TBC1D31: variants seen among roughly 807,000 people sequenced by gnomAD.
TBC1D31 encodes the protein TBC1 domain family member 31.
A neutral mutation model predicts 132.9 loss-of-function variants in TBC1D31; 99 were observed. The ratio of observed to expected loss-of-function variants is 0.74; its 90% CI spans 0.63 to 0.88. The LOEUF (loss-of-function observed/expected upper bound fraction) is 0.88, where lower values mean the gene tolerates loss of function less well. TBC1D31 is among the 40% of genes least tolerant of loss of function. The pLI is 0.00. For synonymous variants in TBC1D31, 385 were observed against 419.4 expected (o/e 0.92, Z 1.00); for missense variants, 1,134 against 1,256.6 (o/e 0.90, Z 1.48).
chr8:123,077,577 G>C (rs1052732548), intron 2 of TBC1D31, among the ~76,000 whole-genome samples: 2 of 147,726 alleles, frequency 1.4e-5, no homozygotes, highest in Non-Finnish European at 1.5e-5. Flanking sequence ...TGTCGCCCAG[G>C]CTGGAGTGCA....
rs1318822933 is a variant in TBC1D31, at chr8:123,142,370, T to C, written c.2749T>C (p.Tyr917His). 6.2e-7 allele frequency: 1 copy of C among 1,609,344 alleles called. No homozygotes were observed. Among genetic ancestry groups the C allele is most frequent in the Non-Finnish European group, 8.5e-7 (1 of 1,178,166 alleles). Residue 917 changes from tyrosine to histidine, a missense_variant, in exon 19 of 22, where the codon TAC (tyrosine) becomes CAC (histidine). Physicochemically the swap from Tyr to His is moderately conservative, Grantham distance 83 (BLOSUM62 2). Coordinates refer to ENST00000287380, the MANE Select transcript of TBC1D31 (RefSeq NM_145647.4). ...TGATGATCTACAACGAAACAAATGTTACCAGGAAGTAGCCAAACTCCTTAG... is the reference window on the plus strand; with the variant it reads ...TGATGATCTACAACGAAACAAATGTCACCAGGAAGTAGCCAAACTCCTTAG... Reference protein sequence around the residue: ...KCDDLQRNKCYQEVAKLLREN... With the variant: ...KCDDLQRNKCHQEVAKLLREN...
chr8:123,112,668 T>C (rs1818563054), intron 10 of TBC1D31, among the ~76,000 whole-genome samples: 1 of 152,266 alleles, frequency 6.6e-6, no homozygotes, highest in South Asian at 2.1e-4. Context: ...ACAAGCATGC[T>C]GCATTAATTA....
chr8:123,096,589 T>C (rs1361245170), intron 5 of TBC1D31, among the ~76,000 whole-genome samples: 2 of 152,238 alleles, frequency 1.3e-5, no homozygotes, highest in Non-Finnish European at 2.9e-5. Context: ...TTTGCCTTCC[T>C]CTAGACCAGA....
At chr8:123,147,387 G>T (rs1822326602) in intron 20 of TBC1D31, among the ~76,000 whole-genome samples, 3 of 152,090 alleles carry the variant, frequency 2.0e-5, no homozygotes, top group South Asian at 4.1e-4. Flanking sequence ...TGGGCAGGGT[G>T]GTCTCAATCT....
Position 123,129,076 on chromosome 8 carries a change from G to A in TBC1D31, c.2128G>A (p.Glu710Lys). ...TATTACCTACTTAAGGCAGACAGTT[G>A]AAGATATGCAAGCTAAAGTCGACCA... The part of the protein sequence containing the change: ...LDYLRERQTV[E>K]DMQAKVDQQR... The change falls in exon 15 of 22, where the codon GAA (glutamate) becomes AAA (lysine). Residue 710 changes from glutamate (E) to lysine (K), a missense_variant. Glu to Lys is a moderately conservative substitution (Grantham distance 56, BLOSUM62 1). Transcript: ENST00000287380. The A allele has an allele frequency of 6.3e-7, 1 of 1,591,348 alleles. No homozygotes were observed. Among genetic ancestry groups the A allele is most frequent in the Non-Finnish European group, 8.6e-7 (1 of 1,166,292 alleles).
intron 15 of TBC1D31, 31 bp downstream of exon 15, chr8:123,129,249 G>T (rs1378747256): frequency 1.4e-6 from 2 of 1,414,174 alleles, no homozygotes; most frequent in Non-Finnish European, 1.9e-6. Context: ...AAAAAATCTG[G>T]ACATATAAGT....
chr8:123,111,688 G>A (rs1355269864), intron 10 of TBC1D31, among the ~76,000 whole-genome samples: 1 of 151,496 alleles, frequency 6.6e-6, no homozygotes, highest in Non-Finnish European at 1.5e-5. Flanking sequence ...TCACACAATG[G>A]TTTTTAAGCT....
chr8:123,077,046 A>G, intron 1 of TBC1D31, 65 bp from the exon 2 acceptor site: 1 of 1,450,540 alleles, frequency 6.9e-7, no homozygotes, highest in Non-Finnish European at 9.3e-7. Flanking sequence ...TTTACTTGCC[A>G]TATTTTTCAT....
At chr8:123,099,356 G>A (rs1225863041) in intron 6 of TBC1D31, among the ~76,000 whole-genome samples, 2 of 152,112 alleles carry the variant, frequency 1.3e-5, no homozygotes, top group African/African-American at 2.4e-5. Flanking sequence ...TCCTGACCTC[G>A]TGATCCGCCC....
intron 10 of TBC1D31, among the ~76,000 whole-genome samples, chr8:123,116,886 G>T (rs777391430): frequency 1.3e-5 from 2 of 152,102 alleles, no homozygotes; most frequent in African/African-American, 2.4e-5. Context: ...AATAAATAAA[G>T]ATATAAATGA....
At chr8:123,077,318 C>T (rs1814632474) in intron 2 of TBC1D31, 61 bp downstream of exon 2, 8 of 1,438,460 alleles carry the variant, frequency 5.6e-6, no homozygotes, top group Non-Finnish European at 6.6e-6. Context: ...TGACTGTTTT[C>T]GTACCTGCTA....
chr8:123,073,394 AAC>A (rs1814118169), intron 1 of TBC1D31: 1 of 456,134 alleles, frequency 2.2e-6, no homozygotes, highest in Non-Finnish European at 4.4e-6. Context: ...GATGGAACAA[AAC>A]ACACTTCCGG....
At chr8:123,151,331 C>T (rs937186763) in intron 21 of TBC1D31, among the ~76,000 whole-genome samples, 1 of 152,152 alleles carries the variant, frequency 6.6e-6, no homozygotes, top group Non-Finnish European at 1.5e-5. Flanking sequence ...TACACTTGGA[C>T]ATGTTGTAGT....
chr8:123,129,215 A>G lies in TBC1D31; in HGVS notation c.2267A>G (p.Gln756Arg). The G allele has an allele frequency of 1.9e-6, 3 of 1,577,658 alleles. No individual in the cohort carries two copies. The highest frequency in any genetic ancestry group is 1.7e-6 in the Non-Finnish European group (2 of 1,155,348). Reference sequence around the variant, plus strand: ...GAGGAGAAAATGATACAACAAAGACAGAGGTATGTGTTATCACTTTAAAAA... The same window carrying G: ...GAGGAGAAAATGATACAACAAAGACGGAGGTATGTGTTATCACTTTAAAAA... ...QEEEKMIQQR[Q>R]RLAAVKRELK... The change falls in exon 15 of 22, where the codon CAG (glutamine) becomes CGG (arginine). Residue 756 changes from glutamine to arginine, a missense_variant. By Grantham distance (43) the Gln-to-Arg change is conservative (BLOSUM62 1). Transcript: ENST00000287380.
At chr8:123,103,379 T>C (rs1263533313) in intron 7 of TBC1D31, 1 of 152,138 alleles carries the variant, frequency 6.6e-6, no homozygotes, top group African/African-American at 2.4e-5. Flanking sequence ...CTGAGAGAGT[T>C]TTCAGCCTGC....
intron 4 of TBC1D31, among the ~76,000 whole-genome samples, chr8:123,093,192 G>T (rs113498281): frequency 3.3e-5 from 5 of 151,754 alleles, no homozygotes; most frequent in African/African-American, 7.3e-5. Flanking sequence ...CAAGTGATCC[G>T]CCTGCTTCGG....
At chr8:123,147,849 C>T (rs1822374067) in intron 20 of TBC1D31, among the ~76,000 whole-genome samples, 1 of 151,708 alleles carries the variant, frequency 6.6e-6, no homozygotes, top group South Asian at 2.1e-4. Flanking sequence ...ATTTTTGAGC[C>T]CGGCGCGGTG....
At chr8:123,157,749 T>C in the TBC1D31 span, among the ~76,000 whole-genome samples, 1 of 141,636 alleles carries the variant, frequency 7.1e-6, no homozygotes, top group Non-Finnish European at 1.6e-5. Flanking sequence ...ACACCCGCTG[T>C]TACGGCCCCC....
intron 17 of TBC1D31, among the ~76,000 whole-genome samples, chr8:123,137,348 C>A (rs1032263423): frequency 6.6e-6 from 1 of 152,142 alleles, no homozygotes; most frequent in African/African-American, 2.4e-5. Context: ...CCCAAGACCA[C>A]CCTCAGGTTC....
Sources: gnomAD v4.1 joint callset for allele counts (sites outside exome capture counted in the v4.1 genomes callset) on GRCh38, gnomAD v4.1.1 for gene constraint, MANE v1.5 for transcripts, NCBI Gene and HGNC (gene_info 2026-07-23, HGNC 2026-07-21) for gene names.